The following CLUAP1 variants were observed in gnomAD, a reference collection of about 807,000 sequenced individuals.
CLUAP1 encodes the protein intraflagellar transport 38.
A neutral mutation model predicts 55.0 loss-of-function variants in CLUAP1; 50 were observed. The ratio of observed to expected loss-of-function variants is 0.91; its 90% confidence interval spans 0.72 to 1.15. The LOEUF is 1.15. Ranked by LOEUF, CLUAP1 falls within the 50% of genes most tolerant of loss-of-function variation. The pLI is 0.00. For synonymous variants in CLUAP1, 195 were observed against 175.4 expected, an observed-to-expected ratio of 1.11 and a Z score of -0.88; for missense variants, 530 against 507.6, an observed-to-expected ratio of 1.04 and a Z score of -0.42.
intron 4 of CLUAP1, among the ~76,000 whole-genome samples, chr16:3,509,343 A>G (rs2037573310): frequency 6.6e-6 from 1 of 152,198 alleles, no homozygotes; most frequent in African/African-American, 2.4e-5. Flanking sequence ...GCGCCTGGGA[A>G]GCCCCTGGAA....
chr16:3,511,817 G>A (rs74005825), intron 4 of CLUAP1, among the ~76,000 whole-genome samples: 1 of 152,178 alleles, frequency 6.6e-6, no homozygotes, highest in South Asian at 2.1e-4. Context: ...AACTGGGGAA[G>A]CACATGTTTG....
At chr16:3,533,624 T>A (rs1401204475) in intron 11 of CLUAP1, 1 of 168,332 alleles carries the variant, frequency 5.9e-6, no homozygotes, top group Non-Finnish European at 1.3e-5. Flanking sequence ...ATCAGGGCTC[T>A]GCCGCCCATT....
chr16:3,526,398 T>C lies in CLUAP1; in HGVS notation c.856-14T>C. 6.3e-7 allele frequency: 1 copy of C among 1,583,790 alleles called. No individual in the cohort carries two copies. Among genetic ancestry groups the C allele is most frequent in the Non-Finnish European group, 8.6e-7 (1 of 1,166,674 alleles). ...AGGGCCATCTCTCCTGAGTCTGTAT[T>C]TCCTCTTCCACAGGAAGCTAAAAAC... is the stretch of plus-strand genomic sequence containing the variant. On this transcript the variant is annotated splice_polypyrimidine_tract_variant and intron_variant, in intron 8 of 11. Coordinates refer to ENST00000576634, the MANE Select transcript of CLUAP1 (RefSeq NM_015041.3).
chr16:3,521,819 C>A (rs895845584), intron 7 of CLUAP1, among the ~76,000 whole-genome samples: 1 of 151,822 alleles, frequency 6.6e-6, no homozygotes, highest in Non-Finnish European at 1.5e-5. Context: ...CTTTGAGAGG[C>A]CAAGGCGGGC....
At position 3,519,989 on chromosome 16, in the gene CLUAP1, A is replaced by T. The variant is rs774814022; in HGVS notation, c.666A>T (p.Leu222Phe). Reference sequence around the variant, plus strand: ...AAGCCAAAATCGAAAAGAGAAAATTAGAACTGGAAAGAAATCGGAAGCGAC... The same window carrying T: ...AAGCCAAAATCGAAAAGAGAAAATTTGAACTGGAAAGAAATCGGAAGCGAC... ...NLEAKIEKRKLELERNRKRLE... is the reference protein window; with the variant it reads ...NLEAKIEKRKFELERNRKRLE... The change falls in exon 7 of 12, where the codon TTA becomes TTT. Residue 222 changes from leucine to phenylalanine, a missense_variant. By Grantham distance (22) the Leu-to-Phe change is conservative. Transcript: ENST00000576634. 1 of 1,613,820 alleles carries T rather than the reference A, an allele frequency of 6.2e-7. No individual in the cohort carries two copies. The highest frequency in any genetic ancestry group is 8.5e-7 in the Non-Finnish European group (1 of 1,179,922).
chr16:3,514,209 A>G (rs1347440128), intron 5 of CLUAP1, among the ~76,000 whole-genome samples: 1 of 152,144 alleles, frequency 6.6e-6, no homozygotes, highest in Non-Finnish European at 1.5e-5. Flanking sequence ...CATCATTGTG[A>G]GACTTCATTT....
chr16:3,511,285 A>C (rs950823286), intron 4 of CLUAP1, among the ~76,000 whole-genome samples: 4 of 152,164 alleles, frequency 2.6e-5, no homozygotes, highest in African/African-American at 9.7e-5. Context: ...CAGAGCAGGG[A>C]GACGTTTATG....
rs1348610381 is a variant in CLUAP1 at position 3,529,834 on chromosome 16, A to T, written c.929-734A>T. Reference sequence around the variant, plus strand: ...TATATTATAATATAATATATTATATAATATATTATATAATATATATTTTAT... The same window carrying T: ...TATATTATAATATAATATATTATATTATATATTATATAATATATATTTTAT... On this transcript the variant is annotated intron_variant, in intron 9 of 11. Coordinates refer to ENST00000576634, the MANE Select transcript of CLUAP1 (RefSeq NM_015041.3). Among the ~76,000 whole-genome samples, 11 of 48,782 alleles carry T rather than the reference A, an allele frequency of 2.3e-4. 1 individual carries two copies. Among genetic ancestry groups the T allele is most frequent in the South Asian group, 2.0e-3 (4 of 2,016 alleles). 32.0% of individuals were successfully genotyped at this position (48,782 alleles called of 152,430 possible).
chr16:3,516,301 TA>T (rs1201267241), intron 6 of CLUAP1, among the ~76,000 whole-genome samples: 1 of 152,194 alleles, frequency 6.6e-6, no homozygotes, highest in African/African-American at 2.4e-5. Flanking sequence ...AGAGTAGGCA[TA>T]AAACAAGAAT....
intron 1 of CLUAP1, among the ~76,000 whole-genome samples, chr16:3,503,227 G>C (rs1235916718): frequency 1.3e-5 from 2 of 151,944 alleles, no homozygotes; most frequent in African/African-American, 2.4e-5. Flanking sequence ...GCAGTGACGC[G>C]ATCTCGGCTC....
upstream of CLUAP1, among the ~76,000 whole-genome samples, chr16:3,500,348 G>C (rs1453528449): frequency 6.6e-6 from 1 of 151,994 alleles, no homozygotes; most frequent in African/African-American, 2.4e-5. Flanking sequence ...GGGAAGGCGG[G>C]CTTCCTGAGT....
chr16:3,506,491 C>T, intron 3 of CLUAP1, 76 bp downstream of exon 3: 2 of 1,121,144 alleles, frequency 1.8e-6, no homozygotes, highest in Non-Finnish European at 2.7e-6. Context: ...GGGCGACTTT[C>T]AAACTGTGTA....
At chr16:3,498,635 G>A (rs969607096), upstream of CLUAP1, among the ~76,000 whole-genome samples, 6 of 152,142 alleles carry the variant, frequency 3.9e-5, no homozygotes, top group East Asian at 1.9e-4. Context: ...ATAGGCGGGC[G>A]GATCATGAGG....
upstream of CLUAP1, among the ~76,000 whole-genome samples, chr16:3,497,777 C>A (rs2037329225): frequency 1.3e-5 from 2 of 152,064 alleles, no homozygotes; most frequent in Non-Finnish European, 2.9e-5. Context: ...GTGTGCACCA[C>A]CAGGCCTGGC....
chr16:3,533,204 C>A, intron 11 of CLUAP1: 1 of 1,472,156 alleles, frequency 6.8e-7, no homozygotes, highest in South Asian at 1.2e-5. Flanking sequence ...TGTCAGCCCT[C>A]CCGGGGCCAG....
intron 8 of CLUAP1, among the ~76,000 whole-genome samples, chr16:3,525,163 G>A (rs1380856151): frequency 6.6e-6 from 1 of 152,180 alleles, no homozygotes; most frequent in Non-Finnish European, 1.5e-5. Context: ...GTACGGGACA[G>A]GCACATTTCG....
intron 1 of CLUAP1, among the ~76,000 whole-genome samples, chr16:3,502,640 GC>G (rs1480634748): frequency 1.3e-5 from 2 of 152,038 alleles, no homozygotes; most frequent in Non-Finnish European, 2.9e-5. Flanking sequence ...TATCCATGCA[GC>G]CACTGAGCAC....
Position 3,536,223 on chromosome 16 carries a change from A to G in CLUAP1, c.1194A>G (p.Arg398=). The part of the protein sequence containing the change: ...SISLSPTKPN[R]RVRKSEPLDE... ...CTCTCTCACCAACCAAGCCCAATCGAAGGGTCCGGAAATCTGAACCCCTGG... is the reference window on the plus strand; with the variant it reads ...CTCTCTCACCAACCAAGCCCAATCGGAGGGTCCGGAAATCTGAACCCCTGG... Residue 398 remains arginine (R), a synonymous_variant, in exon 12 of 12, where the codon CGA becomes CGG. Transcript: ENST00000576634. The G allele has an allele frequency of 6.2e-7, 1 of 1,614,162 alleles. No individual in the cohort carries two copies. Among genetic ancestry groups the G allele is most frequent in the Non-Finnish European group, 8.5e-7 (1 of 1,180,024 alleles).
chr16:3,529,820 ATAAT>A (rs2038073562), intron 9 of CLUAP1, among the ~76,000 whole-genome samples: 1 of 49,596 alleles, frequency 2.0e-5, no homozygotes, highest in African/African-American at 1.1e-4. Flanking sequence ...ATATTATAAT[ATAAT>A]ATATTATATA....
Sources: gnomAD v4.1 joint callset for allele counts (sites outside exome capture counted in the v4.1 genomes callset) on GRCh38, gnomAD v4.1.1 for gene constraint, MANE v1.5 for transcripts, NCBI Gene and HGNC (gene_info 2026-07-23, HGNC 2026-07-21) for gene names.